PRDX3: variants seen among roughly 807,000 people sequenced by gnomAD.
PRDX3 encodes the protein thioredoxin-dependent peroxide reductase, mitochondrial.
In PRDX3, 20 loss-of-function variants were observed where a neutral mutation model predicts 30.4. The ratio of observed to expected loss-of-function variants is 0.66; its 90% CI spans 0.46 to 0.96. The LOEUF is 0.96. Among genes scored for constraint, PRDX3 ranks in the 40% least tolerant of loss-of-function variants. PRDX3 has a pLI of 0.00. For missense variants in PRDX3, 322 were observed against 318.3 expected (o/e 1.01, Z -0.09); for synonymous variants, 124 against 117.8 (o/e 1.05, Z -0.34).
chr10:119,176,956 T>C (rs1436702116), intron 2 of PRDX3, 65 bp downstream of exon 2: 5 of 1,600,070 alleles, frequency 3.1e-6, no homozygotes, highest in Non-Finnish European at 4.3e-6. Context: ...TCAGAGCCCC[T>C]GTCCAGAGAC....
At chr10:119,170,109 C>T (rs968781069) in intron 5 of PRDX3, 2 of 152,332 alleles carry the variant, frequency 1.3e-5, no homozygotes, top group African/African-American at 4.8e-5. Flanking sequence ...ATCCTCCCAC[C>T]TCAGACTCCC....
chr10:119,177,467 G>A (rs1276828683), intron 1 of PRDX3, among the ~76,000 whole-genome samples: 1 of 152,080 alleles, frequency 6.6e-6, no homozygotes, highest in African/African-American at 2.4e-5. Flanking sequence ...AGACCAGCCT[G>A]GCCAAGATGG....
intron 5 of PRDX3, chr10:119,170,448 A>C (rs868298538): frequency 6.6e-6 from 1 of 152,128 alleles, no homozygotes; most frequent in African/African-American, 2.4e-5. Flanking sequence ...GTTAATCTCA[A>C]TATTAAAACG....
At chr10:119,169,834 C>T (rs1847864434) in intron 5 of PRDX3, 1 of 153,316 alleles carries the variant, frequency 6.5e-6, no homozygotes, top group Admixed American at 6.5e-5. Flanking sequence ...AATGTACAGG[C>T]TCTAAGTCTA....
In PRDX3 at chr10:119,173,738, T is replaced by C; in HGVS notation, c.446A>G (p.Lys149Arg). Residue 149 changes from lysine (K) to arginine (R), a missense_variant and splice_region_variant, in exon 4 of 7, where the codon AAG becomes AGG. Physicochemically the swap from Lys to Arg is conservative, Grantham distance 26. Coordinates refer to ENST00000298510, the MANE Select transcript of PRDX3 (RefSeq NM_006793.5). Reference protein sequence around the residue: ...SHLAWINTPRKNGGLGHMNIA... With the variant: ...SHLAWINTPRRNGGLGHMNIA... ...AAAGCTAGGGGTACAATGCCATACC[T>C]TTCTTGGTGTATTTATCCAGGCAAG... The C allele has an allele frequency of 1.2e-6, 2 of 1,611,636 alleles. No homozygotes were observed. Among genetic ancestry groups the C allele is most frequent in the Non-Finnish European group, 1.7e-6 (2 of 1,179,792 alleles).
At chr10:119,173,585 G>A in intron 4 of PRDX3, 152 bp downstream of exon 4, 2 of 865,850 alleles carry the variant, frequency 2.3e-6, no homozygotes, top group Non-Finnish European at 3.4e-6. Flanking sequence ...CTCCAGCCTG[G>A]GCAACAAGAG....
At chr10:119,172,971 C>T (rs1847943500) in intron 4 of PRDX3, among the ~76,000 whole-genome samples, 1 of 152,002 alleles carries the variant, frequency 6.6e-6, no homozygotes. Context: ...TGGAGTCTCG[C>T]TCTGTCGCCC....
intron 3 of PRDX3, 47 bp downstream of exon 3, chr10:119,174,404 T>C (rs764733458): frequency 2.6e-6 from 4 of 1,558,518 alleles, no homozygotes; most frequent in East Asian, 2.2e-5. Flanking sequence ...ACAGGATATG[T>C]GCTTGCTCTC....
rs550338375 is a variant in PRDX3, at chr10:119,173,602, T to TC, written c.447+134dup. 399 of 1,012,232 alleles carry TC rather than the reference T, an allele frequency of 3.9e-4. 4 individuals carry two copies. The South Asian group carries it at 6.0e-3, about 15-fold the overall frequency. The allele number at this position is 1,012,232 out of a possible 1,614,324, so 62.7% of individuals were successfully genotyped here. A position where few individuals can be genotyped will look rare whatever the true frequency, so the allele number is the denominator to read the frequency against. On this transcript the variant is annotated intron_variant, in intron 4 of 6. Transcript: ENST00000298510. ...CCAGCCTGGGCAACAAGAGTGAAGC[T>TC]CCGTCTCAAAAAAAAAAAAAAAAAA...
intron 5 of PRDX3, 35 bp from the exon 6 acceptor site, chr10:119,169,377 A>T (rs1279809848): frequency 6.3e-7 from 1 of 1,587,328 alleles, no homozygotes; most frequent in Non-Finnish European, 8.6e-7. Context: ...GTGCCTCAAC[A>T]GTACCAGAAC....
chr10:119,168,832 C>CGTG (rs1489827706), intron 6 of PRDX3, among the ~76,000 whole-genome samples: 1 of 152,046 alleles, frequency 6.6e-6, no homozygotes, highest in African/African-American at 2.4e-5. Flanking sequence ...AAAAATTAGC[C>CGTG]GTGGTGGTGG....
intron 3 of PRDX3, 23 bp downstream of exon 3, chr10:119,174,428 A>T: frequency 1.3e-6 from 2 of 1,586,102 alleles, no homozygotes; most frequent in Non-Finnish European, 1.7e-6. Context: ...ATGACACGAA[A>T]GCATCATAGA....
Position 119,168,259 on chromosome 10 carries a change from C to T in PRDX3, c.*221G>A, listed in dbSNP as rs530292194. On this transcript the variant is annotated 3_prime_UTR_variant, in exon 7 of 7. Coordinates refer to ENST00000298510, the MANE Select transcript of PRDX3 (RefSeq NM_006793.5). ...TGTTCTGTAGAAACTAGCTAGCCAG[C>T]CACCAAGATGTTACCAATAAAGGAT... 1.1e-6 allele frequency: 1 copy of T among 874,954 alleles called. No individual in the cohort carries two copies. Among genetic ancestry groups the T allele is most frequent in the Admixed American group, 3.6e-5 (1 of 27,924 alleles). The allele number at this position is 874,954 out of a possible 1,614,324, so 54.2% of individuals were successfully genotyped here.
chr10:119,178,737 C>CA lies in PRDX3; in HGVS notation c.36+17dup. On this transcript the variant is annotated intron_variant, in intron 1 of 6. Transcript: ENST00000298510. ...CCACCAGTGTCTCCACGCCTGTCCC[C>CA]AGCCGACAGCCACTCACCGACGCTC... The CA allele has an allele frequency of 6.4e-7, 1 of 1,551,304 alleles. No individual in the cohort carries two copies. Among genetic ancestry groups the CA allele is most frequent in the Non-Finnish European group, 8.7e-7 (1 of 1,147,274 alleles).
chr10:119,173,063 C>G (rs1222345229), intron 4 of PRDX3, among the ~76,000 whole-genome samples: 1 of 152,032 alleles, frequency 6.6e-6, no homozygotes, highest in Non-Finnish European at 1.5e-5. Context: ...CTCAGCCTCC[C>G]GAGTAGCTGG....
intron 6 of PRDX3, among the ~76,000 whole-genome samples, chr10:119,168,970 CAA>C (rs34820945): frequency 2.2e-3 from 297 of 133,504 alleles, no homozygotes; most frequent in Admixed American, 2.6e-3. Context: ...GACTCCGTCT[CAA>C]AAAAAAAAAA....
rs1192903300 is a variant in PRDX3, at chr10:119,169,204, T to A, written c.690A>T (p.Pro230=). ...TAGGAGAATCCGGTGTCCAGTTCGC[T>A]GGGCAGACTTCTCCATGTGTTTCTA... is the stretch of plus-strand genomic sequence containing the variant. ...QYVETHGEVC[P]ANWTPDSPTI... The change falls in exon 6 of 7, where the codon CCA becomes CCT. Residue 230 remains proline (P), a synonymous_variant. Coordinates refer to ENST00000298510, the MANE Select transcript of PRDX3 (RefSeq NM_006793.5). The A allele has an allele frequency of 6.2e-7, 1 of 1,612,518 alleles. No individual in the cohort carries two copies. Among genetic ancestry groups the A allele is most frequent in the Non-Finnish European group, 8.5e-7 (1 of 1,180,028 alleles).
At chr10:119,169,002 A>T (rs566052536) in intron 6 of PRDX3, among the ~76,000 whole-genome samples, 175 bp downstream of exon 6, 3 of 149,354 alleles carry the variant, frequency 2.0e-5, no homozygotes, top group Non-Finnish European at 4.4e-5. Flanking sequence ...CCTGTCTCTG[A>T]TAATTGGTTC....
At chr10:119,178,658 A>G in intron 1 of PRDX3, 97 bp downstream of exon 1, 1 of 1,411,188 alleles carries the variant, frequency 7.1e-7, no homozygotes, top group Non-Finnish European at 9.8e-7. Context: ...AGAAGGGCGA[A>G]TGGCCCTCAT....
Sources: gnomAD v4.1 joint callset for allele counts (sites outside exome capture counted in the v4.1 genomes callset) on GRCh38, gnomAD v4.1.1 for gene constraint, MANE v1.5 for transcripts, NCBI Gene and HGNC (gene_info 2026-07-23, HGNC 2026-07-21) for gene names.